LONP2: variants seen among roughly 807,000 people sequenced by gnomAD.
The protein encoded by LONP2 is lon protease homolog 2, peroxisomal.
In LONP2, 60 loss-of-function variants were observed where a neutral mutation model predicts 85.6. The observed-to-expected ratio is 0.70, with a 90% CI of 0.57 to 0.87. The LOEUF (loss-of-function observed/expected upper bound fraction) is 0.87. Ranked by LOEUF, LONP2 falls within the 40% of genes least tolerant of loss-of-function variation. The pLI is 0.00. For missense variants in LONP2, 860 were observed against 1,063.5 expected (o/e 0.81, Z 2.66); for synonymous variants, 395 against 389.7 (o/e 1.01, Z -0.16).
At chr16:48,330,928 C>T (rs1230493466) in intron 11 of LONP2, among the ~76,000 whole-genome samples, 2 of 152,172 alleles carry the variant, frequency 1.3e-5, no homozygotes, top group African/African-American at 2.4e-5. Context: ...CGCTGAACCC[C>T]GTACTACACT....
At chr16:48,264,059 G>A (rs1971934410) in intron 6 of LONP2, among the ~76,000 whole-genome samples, 1 of 152,164 alleles carries the variant, frequency 6.6e-6, no homozygotes, top group Admixed American at 6.5e-5. Flanking sequence ...CAGGGTAATA[G>A]AATATCACAA....
intron 12 of LONP2, among the ~76,000 whole-genome samples, chr16:48,337,181 C>CA (rs931775539): frequency 6.6e-6 from 1 of 152,174 alleles, no homozygotes; most frequent in African/African-American, 2.4e-5. Context: ...CAGCTTATTC[C>CA]AAGTCCATTA....
In LONP2 at chr16:48,244,318, C is replaced by G; in HGVS notation, c.-71C>G. 1 of 1,204,348 alleles carries G rather than the reference C, an allele frequency of 8.3e-7. No homozygotes were observed. Among genetic ancestry groups the G allele is most frequent in the Non-Finnish European group, 1.1e-6 (1 of 893,702 alleles). 74.6% of individuals were successfully genotyped at this position (1,204,348 alleles called of 1,614,324 possible). On this transcript the variant is annotated 5_prime_UTR_variant, in exon 1 of 15. Transcript: ENST00000285737. ...TGGAGGCGGGTCTGAGGTTTGGTGACTGCGGGGCAGGCCGGGGGCAGCTGT... is the reference window on the plus strand; with the variant it reads ...TGGAGGCGGGTCTGAGGTTTGGTGAGTGCGGGGCAGGCCGGGGGCAGCTGT...
intron 11 of LONP2, among the ~76,000 whole-genome samples, chr16:48,316,980 C>T (rs1483123391): frequency 6.6e-6 from 1 of 152,110 alleles, no homozygotes; most frequent in Non-Finnish European, 1.5e-5. Flanking sequence ...GTCACTCTGT[C>T]CTGTCAAGGC....
rs368901156 is a variant in LONP2 at position 48,351,784 on chromosome 16, G to C, written c.2541G>C (p.Leu847=). Residue 847 remains leucine (L), a synonymous_variant, in exon 15 of 15, where the codon CTG becomes CTC. Coordinates refer to ENST00000285737, the MANE Select transcript of LONP2 (RefSeq NM_031490.5). ...TTACTGTCAAGACCAGACCTGGTCTGTTAAATAGCAAACTGTAGGTCCAAA... is the reference window on the plus strand; with the variant it reads ...TTACTGTCAAGACCAGACCTGGTCTCTTAAATAGCAAACTGTAGGTCCAAA... ...GGFTVKTRPG[L]LNSKL 1.4e-5 allele frequency: 23 copies of C among 1,613,464 alleles called. No individual in the cohort carries two copies. The African/African-American group carries it at 2.9e-4, about 21-fold the overall frequency.
At chr16:48,301,656 G>A (rs1972808104) in intron 10 of LONP2, among the ~76,000 whole-genome samples, 1 of 152,136 alleles carries the variant, frequency 6.6e-6, no homozygotes, top group Admixed American at 6.5e-5. Context: ...AATAGAGATG[G>A]GGTTCTCACC....
intron 11 of LONP2, among the ~76,000 whole-genome samples, chr16:48,315,165 G>A (rs1410245411): frequency 2.0e-5 from 3 of 152,156 alleles, no homozygotes; most frequent in Non-Finnish European, 4.4e-5. Context: ...AATTCGGTAG[G>A]ATTCTCAGAA....
intron 9 of LONP2, among the ~76,000 whole-genome samples, chr16:48,297,198 A>G (rs996063780): frequency 2.4e-4 from 36 of 152,112 alleles, no homozygotes; most frequent in African/African-American, 7.2e-4. Context: ...AGTAGAGACC[A>G]TGTTGGCCAG....
chr16:48,302,443 C>T (rs1439768015), intron 10 of LONP2, among the ~76,000 whole-genome samples: 1 of 152,202 alleles, frequency 6.6e-6, no homozygotes. Flanking sequence ...ACTGCATTCT[C>T]CACCTGATCC....
rs537968637 is a variant in LONP2, at chr16:48,336,992, C to G, written c.1938+2634C>G. Among the ~76,000 whole-genome samples the G allele has an allele frequency of 9.1e-4, 139 of 152,344 alleles. 7 individuals are homozygous for G. Among genetic ancestry groups the G allele is most frequent in the South Asian group, 2.5e-3 (12 of 4,824 alleles). ...AATTACTTAACCACACAGTCTACCT[C>G]TGCTTTTGCATCTATAAAATTAAGA... On this transcript the variant is annotated intron_variant, in intron 12 of 14. Coordinates refer to ENST00000285737, the MANE Select transcript of LONP2 (RefSeq NM_031490.5).
chr16:48,245,574 T>C (rs1971324548), intron 1 of LONP2, among the ~76,000 whole-genome samples: 1 of 152,216 alleles, frequency 6.6e-6, no homozygotes, highest in African/African-American at 2.4e-5. Context: ...TTGTCTGTTT[T>C]AGCATTGAAA....
Position 48,288,177 on chromosome 16 carries a change from G to A in LONP2, c.1384-7838G>A, listed in dbSNP as rs186536267. Among the ~76,000 whole-genome samples, 62 of 136,946 alleles carry A rather than the reference G, an allele frequency of 4.5e-4. 2 individuals are homozygous for A. In the East Asian group the frequency reaches 0.01, roughly 23 times the overall value. 89.8% of individuals were successfully genotyped at this position (136,946 alleles called of 152,430 possible). A position where few individuals can be genotyped will look rare whatever the true frequency, so the allele number is the denominator to read the frequency against. ...TTTTTTTTTTTTTTTTTTTTGAGACGGAGTCTTGCCCTGTCACCCAGGCTG... is the reference window on the plus strand; with the variant it reads ...TTTTTTTTTTTTTTTTTTTTGAGACAGAGTCTTGCCCTGTCACCCAGGCTG... On this transcript the variant is annotated intron_variant, in intron 8 of 14. Coordinates refer to ENST00000285737, the MANE Select transcript of LONP2 (RefSeq NM_031490.5).
chr16:48,361,853 G>A, downstream of LONP2: 1 of 1,614,130 alleles, frequency 6.2e-7, no homozygotes, highest in Non-Finnish European at 8.5e-7. Context: ...GTTTCTCTAA[G>A]ACTAACATGA....
chr16:48,326,387 T>C (rs1959239047), intron 11 of LONP2, among the ~76,000 whole-genome samples: 1 of 152,204 alleles, frequency 6.6e-6, no homozygotes, highest in Admixed American at 6.5e-5. Context: ...GAACACTTCT[T>C]TGATAATCTG....
intron 9 of LONP2, among the ~76,000 whole-genome samples, chr16:48,299,246 G>T (rs1972746305): frequency 6.6e-6 from 1 of 151,870 alleles, no homozygotes; most frequent in Non-Finnish European, 1.5e-5. Context: ...ACTTAAATTT[G>T]TTCTAAATCT....
intron 8 of LONP2, among the ~76,000 whole-genome samples, chr16:48,287,929 A>G (rs181844015): frequency 4.2e-4 from 64 of 152,082 alleles, no homozygotes; most frequent in African/African-American, 1.4e-3. Flanking sequence ...TTCCTCCCCC[A>G]TTTCATTTTG....
intron 8 of LONP2, among the ~76,000 whole-genome samples, chr16:48,278,271 A>G (rs1972256492): frequency 6.6e-6 from 1 of 152,064 alleles, no homozygotes; most frequent in African/African-American, 2.4e-5. Flanking sequence ...TAGGTGTTCT[A>G]TCCATTTTAT....
chr16:48,310,596 C>G (rs576421530), intron 11 of LONP2, among the ~76,000 whole-genome samples: 221 of 152,286 alleles, frequency 1.5e-3, no homozygotes, highest in African/African-American at 5.0e-3. Context: ...AGGTGATCCT[C>G]CCGCCTTGGC....
At chr16:48,268,913 G>A (rs972952033) in intron 6 of LONP2, among the ~76,000 whole-genome samples, 25 of 152,030 alleles carry the variant, frequency 1.6e-4, no homozygotes, top group African/African-American at 6.0e-4. Flanking sequence ...TTAATTAAAA[G>A]ATATGTATTA....
Sources: gnomAD v4.1 joint callset for allele counts (sites outside exome capture counted in the v4.1 genomes callset) on GRCh38, gnomAD v4.1.1 for gene constraint, MANE v1.5 for transcripts, NCBI Gene and HGNC (gene_info 2026-07-23, HGNC 2026-07-21) for gene names.